Variants in SLC6A13 observed in about 807,000 individuals in gnomAD.
The protein encoded by SLC6A13 is sodium- and chloride-dependent GABA transporter 2.
SLC6A13 carries 69 observed loss-of-function variants against 72.9 expected under a neutral mutation model. That is an observed-to-expected ratio of 0.95 (90% CI 0.78 to 1.16). The LOEUF is 1.16. SLC6A13 is among the 50% of genes most tolerant of loss of function. The pLI is 0.00. For missense variants in SLC6A13, 735 were observed against 760.5 expected (o/e 0.97, Z 0.39); for synonymous variants, 303 against 303.0 (o/e 1.00, Z 0.00).
chr12:233,113 C>A (rs996267480), intron 7 of SLC6A13, among the ~76,000 whole-genome samples: 1 of 152,252 alleles, frequency 6.6e-6, no homozygotes, highest in Non-Finnish European at 1.5e-5. Context: ...CTTGGGGCTT[C>A]TTTCATAGAC....
intron 13 of SLC6A13, among the ~76,000 whole-genome samples, chr12:221,980 T>C (rs1005000731): frequency 1.3e-5 from 2 of 152,194 alleles, no homozygotes; most frequent in Non-Finnish European, 2.9e-5. Context: ...CAAAGGAAGC[T>C]GCGCGTTGTG....
At position 236,990 on chromosome 12, in the gene SLC6A13, T is replaced by TGTGA. The variant is rs1185239692; in HGVS notation, c.696+164_696+167dup. On this transcript the variant is annotated intron_variant, in intron 6 of 14. Transcript: ENST00000343164. ...CTTCCAGTCCCAAAAACCAGAAGTA[T>TGTGA]GTGAGTCTAGGAGAGGCGGAGAATC... is the stretch of plus-strand genomic sequence containing the variant. 8.6e-6 allele frequency: 6 copies of TGTGA among 695,742 alleles called. No homozygotes were observed. The African/African-American group carries it at 1.1e-4, about 12-fold the overall frequency. 43.1% of individuals were successfully genotyped at this position (695,742 alleles called of 1,614,324 possible).
At position 224,448 on chromosome 12, in the gene SLC6A13, C is replaced by T. The variant is rs780393260; in HGVS notation, c.1126G>A (p.Ala376Thr). 6 of 1,614,040 alleles carry T rather than the reference C, an allele frequency of 3.7e-6. No homozygotes were observed. The African/African-American group carries it at 8.0e-5, about 22-fold the overall frequency. ...VVMLPFSPLW[A>T]CCFFFMVVLL... The stretch of plus-strand genomic sequence containing the variant: ...ACGACCATGAAGAAGAAACAGCAGG[C>T]CCAGAGAGGAGAGAAGGGCAGCATC... The change falls in exon 10 of 15, where the codon GCC becomes ACC. Residue 376 changes from alanine (A) to threonine (T), a missense_variant. By Grantham distance (58) the Ala-to-Thr change is moderately conservative. Coordinates refer to ENST00000343164, the MANE Select transcript of SLC6A13 (RefSeq NM_016615.5).
At position 224,104 on chromosome 12, in the gene SLC6A13, G is replaced by A. The variant is rs747304701; in HGVS notation, c.1199C>T (p.Thr400Ile). Residue 400 changes from threonine (T) to isoleucine (I), a missense_variant, in exon 11 of 15, where the codon ACA becomes ATA. Transcript: ENST00000343164. The stretch of plus-strand genomic sequence containing the variant: ...GTGAGGGTACATGTCCACCAGCGCT[G>A]TCACCAGGCTTTCTACACACACAAA... ...SQFVCVESLVTALVDMYPHVF... is the reference protein window; with the variant it reads ...SQFVCVESLVIALVDMYPHVF... The A allele has an allele frequency of 4.3e-6, 7 of 1,614,174 alleles. No homozygotes were observed. The highest frequency in any genetic ancestry group is 5.9e-6 in the Non-Finnish European group (7 of 1,180,036).
intron 9 of SLC6A13, among the ~76,000 whole-genome samples, chr12:225,755 G>A (rs1234558363): frequency 1.3e-5 from 2 of 152,106 alleles, no homozygotes; most frequent in Non-Finnish European, 2.9e-5. Context: ...GTGTGGCCCA[G>A]GCGTGCTTCT....
At chr12:224,366 C>T in intron 10 of SLC6A13, 35 bp downstream of exon 10, 1 of 1,557,918 alleles carries the variant, frequency 6.4e-7, no homozygotes. Flanking sequence ...CCCCCCCACT[C>T]ATCTCTCAGC....
In SLC6A13 at chr12:227,499, C is replaced by T. The variant is rs933518081; in HGVS notation, c.935+66G>A. On this transcript the variant is annotated intron_variant, in intron 8 of 14. Coordinates refer to ENST00000343164, the MANE Select transcript of SLC6A13 (RefSeq NM_016615.5). ...GATGCACCCTCCAACTCACCCTCGT[C>T]TAGCGTGGCTGGAAGGACAGTAGAG... 1.5e-5 allele frequency: 24 copies of T among 1,604,998 alleles called. No homozygotes were observed. The African/African-American group carries it at 2.9e-4, about 20-fold the overall frequency.
intron 7 of SLC6A13, 149 bp downstream of exon 7, chr12:234,941 T>G: frequency 1.2e-6 from 1 of 830,272 alleles, no homozygotes; most frequent in Non-Finnish European, 1.9e-6. Context: ...AACAAACAGA[T>G]GTCTAGAGAA....
chr12:230,796 A>C (rs1404946710), intron 7 of SLC6A13, among the ~76,000 whole-genome samples: 1 of 152,226 alleles, frequency 6.6e-6, no homozygotes, highest in Non-Finnish European at 1.5e-5. Context: ...CCAAACTCAC[A>C]GGGTTGAACT....
At chr12:256,474 T>G (rs1278589132) in intron 2 of SLC6A13, 1 of 152,114 alleles carries the variant, frequency 6.6e-6, no homozygotes, top group Non-Finnish European at 1.5e-5. Flanking sequence ...CTCACTCACC[T>G]CCCTAAAAGC....
Position 226,559 on chromosome 12 carries a change from C to T in SLC6A13, c.936-45G>A, listed in dbSNP as rs1165159074. 4 of 1,593,554 alleles carry T rather than the reference C, an allele frequency of 2.5e-6. No individual in the cohort carries two copies. In the Admixed American group the frequency reaches 5.2e-5, roughly 21 times the overall value. On this transcript the variant is annotated intron_variant, in intron 8 of 14. Coordinates refer to ENST00000343164, the MANE Select transcript of SLC6A13 (RefSeq NM_016615.5). ...AGAGGGCGGAATGGCAGGGTCAGAA[C>T]AGGGCTGCAACCTCTCCTGCTTCCT...
intron 2 of SLC6A13, among the ~76,000 whole-genome samples, chr12:248,863 C>A (rs533944900): frequency 1.3e-5 from 2 of 152,232 alleles, no homozygotes; most frequent in South Asian, 4.1e-4. Flanking sequence ...ATGGAATATT[C>A]CACCAAGATG....
chr12:254,269 C>T lies in SLC6A13; in HGVS notation c.202+5582G>A, dbSNP rs977745730. On this transcript the variant is annotated intron_variant, in intron 2 of 14. Coordinates refer to ENST00000343164, the MANE Select transcript of SLC6A13 (RefSeq NM_016615.5). This position sits in a 1 kb window ranked among gnomAD's most constrained non-coding sequence, Gnocchi z 4.4. Reference sequence around the variant, plus strand: ...TCACTGCTACGCAGGACTCACATGGCCCCCTTCCGCCCAGAAGGGAAATAC... The same window carrying T: ...TCACTGCTACGCAGGACTCACATGGTCCCCTTCCGCCCAGAAGGGAAATAC... 6.6e-6 allele frequency among the ~76,000 whole-genome samples: 1 copy of T among 152,220 alleles called. No individual in the cohort carries two copies. Among genetic ancestry groups the T allele is most frequent in the Non-Finnish European group, 1.5e-5 (1 of 68,038 alleles).
rs998283095 is a variant in SLC6A13 at position 262,815 on chromosome 12, A to G, written c.-32T>C. ...TTAGTGAAGCTGCTGCCAGAGGTCC[A>G]GTCAGGGGAGAAGAATTATCTAAGG... On this transcript the variant is annotated 5_prime_UTR_variant, in exon 1 of 15. Coordinates refer to ENST00000343164, the MANE Select transcript of SLC6A13 (RefSeq NM_016615.5). 4 of 364,104 alleles carry G rather than the reference A, an allele frequency of 1.1e-5. No homozygotes were observed. The highest frequency in any genetic ancestry group is 6.4e-5 in the Admixed American group (1 of 15,554). 22.6% of individuals were successfully genotyped at this position (364,104 alleles called of 1,614,324 possible).
At chr12:221,610 G>C (rs367661293) in intron 13 of SLC6A13, 64 bp from the exon 14 acceptor site, 2 of 1,089,040 alleles carry the variant, frequency 1.8e-6, no homozygotes, top group Admixed American at 4.5e-5. Flanking sequence ...CAGCTCCCCC[G>C]CTCCCCAGCA....
chr12:228,067 C>G (rs1941542976), intron 7 of SLC6A13, among the ~76,000 whole-genome samples: 1 of 152,152 alleles, frequency 6.6e-6, no homozygotes. Flanking sequence ...TCCAGGAACA[C>G]TGTCCCTAAT....
Position 252,450 on chromosome 12 carries a change from T to C in SLC6A13, c.202+7401A>G, listed in dbSNP as rs1411304917. Among the ~76,000 whole-genome samples, 3 of 152,226 alleles carry C rather than the reference T, an allele frequency of 2.0e-5. No homozygotes were observed. The East Asian group carries it at 5.8e-4, about 29-fold the overall frequency. ...GTGGTTTCATGCGTATATACATATG[T>C]CAAAATTTATCAAATTGTACACTTT... On this transcript the variant is annotated intron_variant, in intron 2 of 14. Transcript: ENST00000343164.
intron 2 of SLC6A13, among the ~76,000 whole-genome samples, chr12:258,592 C>T (rs142164897): frequency 1.8e-4 from 28 of 152,304 alleles, no homozygotes; most frequent in African/African-American, 5.8e-4. Context: ...ATCCTACAAG[C>T]TTTACCCATA....
At position 237,257 on chromosome 12, in the gene SLC6A13, C is replaced by T. The variant is rs1941968089; in HGVS notation, c.597G>A (p.Gln199=). ...GCTCCCAGCGCAGGGCCCCCAGGTG[C>T]TGGATCCCATCAGAGATCTTCAAGA... is the stretch of plus-strand genomic sequence containing the variant. ...RRVLKISDGI[Q]HLGALRWELA... Residue 199 remains glutamine (Q), a synonymous_variant, in exon 6 of 15, where the codon CAG becomes CAA. Coordinates refer to ENST00000343164, the MANE Select transcript of SLC6A13 (RefSeq NM_016615.5). 1 of 1,614,178 alleles carries T rather than the reference C, an allele frequency of 6.2e-7. No homozygotes were observed. Among genetic ancestry groups the T allele is most frequent in the African/African-American group, 1.3e-5 (1 of 75,056 alleles).
Sources: gnomAD v4.1 joint callset for allele counts (sites outside exome capture counted in the v4.1 genomes callset) on GRCh38, gnomAD v4.1.1 for gene constraint, Gnocchi (gnomAD v3.1) non-coding constraint, MANE v1.5 for transcripts, NCBI Gene and HGNC (gene_info 2026-07-23, HGNC 2026-07-21) for gene names.